GADL1: variants seen among roughly 807,000 people sequenced by gnomAD.
The protein encoded by GADL1 is GAD like acidic amino acid decarboxylase 1, also known as acidic amino acid decarboxylase GADL1.
In GADL1, 71 loss-of-function variants were observed where a neutral mutation model predicts 69.5. The ratio of observed to expected loss-of-function variants is 1.02; its 90% CI spans 0.84 to 1.25. The LOEUF is 1.25. Among genes scored for constraint, GADL1 ranks in the 50% most tolerant of loss-of-function variants. The probability of loss-of-function intolerance (pLI) is 0.00; values close to 1 mark genes in which losing one functional copy is unlikely to be tolerated. For synonymous variants in GADL1, 254 were observed against 214.4 expected (o/e 1.18, Z -1.62); for missense variants, 737 against 631.8 (o/e 1.17, Z -1.79).
chr3:30,773,682 G>C (rs908649663), intron 14 of GADL1, among the ~76,000 whole-genome samples: 2 of 152,036 alleles, frequency 1.3e-5, no homozygotes, highest in African/African-American at 2.4e-5. Context: ...CTAAAATTTA[G>C]CCAGCTCTTT....
intron 12 of GADL1, chr3:30,799,313 G>T (rs1461355748): frequency 6.6e-6 from 1 of 152,222 alleles, no homozygotes; most frequent in African/African-American, 2.4e-5. Context: ...CTTGACTTGT[G>T]TGCCCACATG....
intron 14 of GADL1, among the ~76,000 whole-genome samples, chr3:30,752,439 G>A (rs917391601): frequency 6.8e-6 from 1 of 148,094 alleles, no homozygotes; most frequent in Non-Finnish European, 1.5e-5. Context: ...AGTCTGTGCC[G>A]CAGCCAGTCT....
chr3:30,733,340 T>C (rs537609476), intron 14 of GADL1, among the ~76,000 whole-genome samples: 20 of 152,240 alleles, frequency 1.3e-4, no homozygotes, highest in Non-Finnish European at 2.4e-4. Context: ...TCCAGTATAG[T>C]TTTTCTGGAA....
chr3:30,885,250 C>T (rs1337894526), intron 1 of GADL1, among the ~76,000 whole-genome samples: 1 of 151,816 alleles, frequency 6.6e-6, no homozygotes, highest in Admixed American at 6.6e-5. Context: ...AATTAATTTC[C>T]AGCCAATTAT....
chr3:30,739,752 T>C lies in GADL1; in HGVS notation c.1393-11337A>G, dbSNP rs72852541. Among the ~76,000 whole-genome samples the C allele has an allele frequency of 5.2e-3, 788 of 152,336 alleles. 8 individuals are homozygous for C. Among genetic ancestry groups the C allele is most frequent in the African/African-American group, 0.017 (724 of 41,584 alleles). ...GAATCAAAGAAAGCTACCATGAGGA[T>C]ACTTTAAAATAATTCTTATTCCTGT... On this transcript the variant is annotated intron_variant, in intron 14 of 14. Transcript: ENST00000282538.
chr3:30,741,205 T>C (rs903361458), intron 14 of GADL1, among the ~76,000 whole-genome samples: 2 of 147,202 alleles, frequency 1.4e-5, no homozygotes, highest in Non-Finnish European at 3.0e-5. Context: ...TGTGTGTGTG[T>C]GTGTGTGTGT....
intron 13 of GADL1, chr3:30,778,664 A>ATGATAC: frequency 1.9e-5 from 3 of 159,098 alleles, no homozygotes; most frequent in Admixed American, 6.1e-5. Flanking sequence ...ATTCTTCTTA[A>ATGATAC]GGCAGCCAAA....
At chr3:30,874,379 A>C (rs1321719717) in intron 1 of GADL1, among the ~76,000 whole-genome samples, 1 of 151,974 alleles carries the variant, frequency 6.6e-6, no homozygotes, top group Non-Finnish European at 1.5e-5. Flanking sequence ...ACACTGCCTA[A>C]CAGATCATAG....
At chr3:30,887,639 A>T (rs1256201389) in intron 1 of GADL1, among the ~76,000 whole-genome samples, 2 of 152,158 alleles carry the variant, frequency 1.3e-5, no homozygotes, top group African/African-American at 4.8e-5. Flanking sequence ...TATAAGCAAG[A>T]GAAAAGAGAC....
At chr3:30,740,492 CAA>C (rs35887196) in intron 14 of GADL1, among the ~76,000 whole-genome samples, 15,351 of 152,052 alleles carry the variant, frequency 0.1, 861 homozygotes, top group East Asian at 0.23. Flanking sequence ...TGATACACGT[CAA>C]GTTATGTTCA....
chr3:30,776,360 G>A (rs990401324), intron 14 of GADL1, among the ~76,000 whole-genome samples: 2 of 152,132 alleles, frequency 1.3e-5, no homozygotes, highest in African/African-American at 4.8e-5. Flanking sequence ...GTGAAAAAAT[G>A]TTCCTCTAAA....
At chr3:30,864,364 CGT>C (rs377063111) in intron 1 of GADL1, among the ~76,000 whole-genome samples, 19 of 150,690 alleles carry the variant, frequency 1.3e-4, no homozygotes, top group Admixed American at 5.3e-4. Context: ...CACCCCGTTC[CGT>C]GTGTGTGTGT....
chr3:30,765,469 TTTTC>T (rs1696254091), intron 14 of GADL1, among the ~76,000 whole-genome samples: 1 of 122,418 alleles, frequency 8.2e-6, no homozygotes, highest in African/African-American at 3.0e-5. Flanking sequence ...CAATAAATTA[TTTTC>T]TATGCATCTA....
intron 11 of GADL1, among the ~76,000 whole-genome samples, chr3:30,825,207 T>TC (rs569423612): frequency 1.2e-4 from 18 of 152,078 alleles, no homozygotes; most frequent in African/African-American, 4.1e-4. Flanking sequence ...TGATATTTTT[T>TC]CTGTGGGCAT....
intron 13 of GADL1, among the ~76,000 whole-genome samples, chr3:30,784,142 TTC>T (rs1361528650): frequency 1.3e-5 from 2 of 152,190 alleles, no homozygotes; most frequent in Non-Finnish European, 2.9e-5. Flanking sequence ...TATAGACATT[TTC>T]TTACATGTTT....
rs1468128119 is a variant in GADL1 at position 30,728,435 on chromosome 3, GA to G, written c.1393-21del. The G allele has an allele frequency of 2.5e-6, 4 of 1,607,734 alleles. No homozygotes were observed. Among genetic ancestry groups the G allele is most frequent in the Non-Finnish European group, 3.4e-6 (4 of 1,175,242 alleles). The stretch of plus-strand genomic sequence containing the variant: ...GGCCACCTGTGTGGGGAGAAAAGGG[GA>G]GAGGGGTGAAAGACCAGAACATCAA... On this transcript the variant is annotated intron_variant, in intron 14 of 14. Coordinates refer to ENST00000282538, the MANE Select transcript of GADL1 (RefSeq NM_207359.3).
chr3:30,893,456 C>T (rs4955169), intron 1 of GADL1, among the ~76,000 whole-genome samples: 4,619 of 152,172 alleles, frequency 0.03, 200 homozygotes, highest in African/African-American at 0.095. Context: ...ATTCACCCTA[C>T]TGTGCAATAC....
At chr3:30,845,411 CA>C (rs567303551) in intron 6 of GADL1, among the ~76,000 whole-genome samples, 19 of 150,266 alleles carry the variant, frequency 1.3e-4, no homozygotes, top group East Asian at 5.9e-4. Flanking sequence ...ATTATTGTAC[CA>C]AAAAAAAATC....
intron 11 of GADL1, among the ~76,000 whole-genome samples, chr3:30,823,498 C>G (rs1697627411): frequency 6.6e-6 from 1 of 151,972 alleles, no homozygotes; most frequent in South Asian, 2.1e-4. Flanking sequence ...TCCTGAACTG[C>G]TAATTCCCTC....
Sources: gnomAD v4.1 joint callset for allele counts (sites outside exome capture counted in the v4.1 genomes callset) on GRCh38, gnomAD v4.1.1 for gene constraint, MANE v1.5 for transcripts, NCBI Gene and HGNC (gene_info 2026-07-23, HGNC 2026-07-21) for gene names.